Variants in ZNF207 observed in about 807,000 individuals in gnomAD.
The protein encoded by ZNF207 is zinc finger protein 207, also known as BUB3-interacting and GLEBS motif-containing protein ZNF207.
A neutral mutation model predicts 60.2 loss-of-function variants in ZNF207; 24 were observed. The ratio of observed to expected loss-of-function variants is 0.40; its 90% CI spans 0.29 to 0.56. The LOEUF is 0.56. Ranked by LOEUF, ZNF207 falls within the 20% of genes least tolerant of loss-of-function variation. ZNF207 has a pLI of 0.49. For synonymous variants in ZNF207, 236 were observed against 194.7 expected (o/e 1.21, Z -1.77); for missense variants, 452 against 636.6 (o/e 0.71, Z 3.12).
At position 32,364,075 on chromosome 17, in the gene ZNF207, C is replaced by T. The variant is rs574142478; in HGVS notation, c.670+1091C>T. On this transcript the variant is annotated intron_variant, in intron 7 of 11. Transcript: ENST00000394670. ...TGAGACAGGGTGTTGGTCTGATACT[C>T]GTGCTGATGTGCCGTGGCACGATCA... Among the ~76,000 whole-genome samples the T allele has an allele frequency of 9.6e-4, 145 of 150,556 alleles. 1 individual carries two copies. Among genetic ancestry groups the T allele is most frequent in the Admixed American group, 2.2e-3 (34 of 15,140 alleles).
Position 32,380,661 on chromosome 17 carries a change from A to G in ZNF207, c.*10902A>G, listed in dbSNP as rs1905846172. The G allele has an allele frequency of 6.6e-6, 1 of 152,256 alleles. No homozygotes were observed. Among genetic ancestry groups the G allele is most frequent in the South Asian group, 2.1e-4 (1 of 4,834 alleles). The allele number at this position is 152,256 out of a possible 1,614,324, so 9.4% of individuals were successfully genotyped here. ...ATAATAGTAAAGTGGTATTAACCCA[A>G]TACTTGATTTGCAGTTTTTAAAGCA... On this transcript the variant is annotated 3_prime_UTR_variant, in exon 12 of 12. Transcript: ENST00000394670.
chr17:32,357,946 A>G (rs2150791921), intron 2 of ZNF207, among the ~76,000 whole-genome samples: 1 of 151,868 alleles, frequency 6.6e-6, no homozygotes, highest in East Asian at 2.0e-4. Flanking sequence ...CACCCGACTA[A>G]TTTTTTGTAT....
intron 2 of ZNF207, among the ~76,000 whole-genome samples, chr17:32,354,169 A>C (rs1409663458): frequency 1.3e-5 from 2 of 152,150 alleles, no homozygotes; most frequent in South Asian, 4.1e-4. Flanking sequence ...TTGTAGAGAC[A>C]GGGTCTCACT....
At position 32,373,330 on chromosome 17, in the gene ZNF207, T is replaced by A. The variant is rs778368358; in HGVS notation, c.*3571T>A. Reference sequence around the variant, plus strand: ...TCATTGGGATTTTTAAAAAAAAAAATTTTAATGCATGTCTTTTAAATTAAT... The same window carrying A: ...TCATTGGGATTTTTAAAAAAAAAAAATTTAATGCATGTCTTTTAAATTAAT... On this transcript the variant is annotated 3_prime_UTR_variant, in exon 12 of 12. Transcript: ENST00000394670. The A allele has an allele frequency of 5.6e-4, 334 of 601,258 alleles. No individual in the cohort carries two copies. The highest frequency in any genetic ancestry group is 9.7e-4 in the South Asian group (50 of 51,328). The allele number at this position is 601,258 out of a possible 1,614,324, so 37.2% of individuals were successfully genotyped here.
At position 32,365,445 on chromosome 17, in the gene ZNF207, A is replaced by G; in HGVS notation, c.786A>G (p.Pro262=). 2 of 1,614,132 alleles carry G rather than the reference A, an allele frequency of 1.2e-6. No individual in the cohort carries two copies. Among genetic ancestry groups the G allele is most frequent in the Non-Finnish European group, 1.7e-6 (2 of 1,180,018 alleles). ...PPAPTATVPA[P]QPPVTKPLFP... is the part of the protein sequence containing the mutation. The stretch of plus-strand genomic sequence containing the variant: ...CACCAACAGCAACTGTACCTGCCCC[A>G]CAGCCTCCAGTTACTAAGCCTCTTT... The change falls in exon 8 of 12, where the codon CCA becomes CCG. Residue 262 remains proline, a synonymous_variant. Coordinates refer to ENST00000394670, the MANE Select transcript of ZNF207 (RefSeq NM_001098507.2).
intron 3 of ZNF207, 107 bp from the exon 4 acceptor site, chr17:32,360,491 A>G: frequency 8.8e-7 from 1 of 1,138,196 alleles, no homozygotes; most frequent in Non-Finnish European, 1.2e-6. Flanking sequence ...TGGGGAAGAA[A>G]AATCTCATGA....
At chr17:32,362,041 T>TGGTA (rs1262958588) in intron 6 of ZNF207, among the ~76,000 whole-genome samples, 2 of 152,056 alleles carry the variant, frequency 1.3e-5, no homozygotes, top group African/African-American at 4.8e-5. Flanking sequence ...CATGGTTTAG[T>TGGTA]GGTAGGTAGT....
rs1905782561 is a variant in ZNF207 at position 32,379,030 on chromosome 17, A to G, written c.*9271A>G. 6.6e-6 allele frequency: 1 copy of G among 152,138 alleles called. No homozygotes were observed. Among genetic ancestry groups the G allele is most frequent in the African/African-American group, 2.4e-5 (1 of 41,454 alleles). The allele number at this position is 152,138 out of a possible 1,614,324, so 9.4% of individuals were successfully genotyped here. A position where few individuals can be genotyped will look rare whatever the true frequency, so the allele number is the denominator to read the frequency against. Reference sequence around the variant, plus strand: ...AAATTGTGCATATTGCTAAATTTTAAAACATGGATTTATCAACTGATAATA... The same window carrying G: ...AAATTGTGCATATTGCTAAATTTTAGAACATGGATTTATCAACTGATAATA... On this transcript the variant is annotated 3_prime_UTR_variant, in exon 12 of 12. Coordinates refer to ENST00000394670, the MANE Select transcript of ZNF207 (RefSeq NM_001098507.2).
intron 2 of ZNF207, among the ~76,000 whole-genome samples, chr17:32,354,356 G>C (rs977980222): frequency 6.6e-6 from 1 of 151,378 alleles, no homozygotes; most frequent in African/African-American, 2.4e-5. Flanking sequence ...GTTTTATTTT[G>C]AAACGGAGTT....
chr17:32,366,421 CAGT>C lies in ZNF207; in HGVS notation c.829-240_829-238del, dbSNP rs144298390. ...GTATCATTCTTGAAATAATGCAAAA[CAGT>C]AGTTTTAGAAAAGAAACTAGTTAAC... is the stretch of plus-strand genomic sequence containing the variant. On this transcript the variant is annotated intron_variant, in intron 8 of 11. Coordinates refer to ENST00000394670, the MANE Select transcript of ZNF207 (RefSeq NM_001098507.2). 7.6e-3 allele frequency among the ~76,000 whole-genome samples: 1,153 copies of C among 152,200 alleles called. 17 individuals carry two copies. The highest frequency in any genetic ancestry group is 0.026 in the African/African-American group (1,099 of 41,526).
At position 32,350,190 on chromosome 17, in the gene ZNF207, T is replaced by C. The variant is rs1327099961; in HGVS notation, c.-96T>C. 2 of 1,563,652 alleles carry C rather than the reference T, an allele frequency of 1.3e-6. No homozygotes were observed. Among genetic ancestry groups the C allele is most frequent in the Non-Finnish European group, 1.8e-6 (2 of 1,135,914 alleles). ...TTTTGTGTCTGCTTCCTGTGGGACG[T>C]GGTGGTAGCCGTTGGGTTGGGAAAG... On this transcript the variant is annotated 5_prime_UTR_variant, in exon 1 of 12. Transcript: ENST00000394670.
chr17:32,369,471 G>A lies in ZNF207; in HGVS notation c.1324+17G>A, dbSNP rs774048008. On this transcript the variant is annotated intron_variant, in intron 11 of 11. Coordinates refer to ENST00000394670, the MANE Select transcript of ZNF207 (RefSeq NM_001098507.2). Reference sequence around the variant, plus strand: ...CACCTCATGGTATTCCTCTTTTTATGTTTTTCATATTTAGTGGATTTTCTA... The same window carrying A: ...CACCTCATGGTATTCCTCTTTTTATATTTTTCATATTTAGTGGATTTTCTA... 2 of 1,610,666 alleles carry A rather than the reference G, an allele frequency of 1.2e-6. No individual in the cohort carries two copies. Among genetic ancestry groups the A allele is most frequent in the East Asian group, 4.5e-5 (2 of 44,774 alleles).
chr17:32,366,634 T>A, intron 8 of ZNF207, 31 bp from the exon 9 acceptor site: 1 of 1,574,420 alleles, frequency 6.4e-7, no homozygotes, highest in Non-Finnish European at 8.6e-7. Context: ...GTTTGGAGAC[T>A]TTTCATTGTT....
rs570536027 is a variant in ZNF207 at position 32,369,868 on chromosome 17, A to G, written c.*109A>G. On this transcript the variant is annotated 3_prime_UTR_variant, in exon 12 of 12. Transcript: ENST00000394670. ...AGGCTTCATTGTGACTTTAACAAAC[A>G]TTATCTTCCCACATACCAGGAACTA... 5.1e-6 allele frequency: 6 copies of G among 1,174,552 alleles called. No individual in the cohort carries two copies. The East Asian group carries it at 1.1e-4, about 22-fold the overall frequency. 72.8% of individuals were successfully genotyped at this position (1,174,552 alleles called of 1,614,324 possible).
chr17:32,369,265 A>G, intron 10 of ZNF207, 30 bp from the exon 11 acceptor site: 3 of 1,608,802 alleles, frequency 1.9e-6, no homozygotes, highest in Non-Finnish European at 2.6e-6. Flanking sequence ...GCATTCGAGT[A>G]TTTAGCCCTG....
chr17:32,350,406 C>T lies in ZNF207; in HGVS notation c.41+80C>T, dbSNP rs528774844. On this transcript the variant is annotated intron_variant, in intron 1 of 11. Coordinates refer to ENST00000394670, the MANE Select transcript of ZNF207 (RefSeq NM_001098507.2). ...CTGGGACTAGGAGGCCTGGATTTGG[C>T]TTACGGCGTGGAGCGTTTGTATTTA... is the stretch of plus-strand genomic sequence containing the variant. The T allele has an allele frequency of 1.2e-5, 19 of 1,587,048 alleles. No individual in the cohort carries two copies. In the Admixed American group the frequency reaches 1.8e-4, roughly 15 times the overall value.
At chr17:32,360,190 A>ACC (rs1567818198) in intron 3 of ZNF207, among the ~76,000 whole-genome samples, 27 of 136,156 alleles carry the variant, frequency 2.0e-4, no homozygotes, top group African/African-American at 6.8e-4. Flanking sequence ...CCCCCCCAAA[A>ACC]AAAAAAAAAA....
At chr17:32,363,069 G>T in intron 7 of ZNF207, 85 bp downstream of exon 7, 1 of 1,288,906 alleles carries the variant, frequency 7.8e-7, no homozygotes, top group South Asian at 1.5e-5. Flanking sequence ...TTAGTATAAT[G>T]AAATTTAAAA....
rs1209042298 is a variant in ZNF207, at chr17:32,370,875, TAA to T, written c.*1118_*1119del. ...TATTCTAAGTGTAATGCTGAGAATCTAAATGTGTCTCTGTTGGGATGGTTAAC... is the reference window on the plus strand; with the variant it reads ...TATTCTAAGTGTAATGCTGAGAATCTATGTGTCTCTGTTGGGATGGTTAAC... On this transcript the variant is annotated 3_prime_UTR_variant, in exon 12 of 12. Transcript: ENST00000394670. The T allele has an allele frequency of 6.6e-6, 1 of 152,252 alleles. No individual in the cohort carries two copies. The highest frequency in any genetic ancestry group is 1.5e-5 in the Non-Finnish European group (1 of 68,038). The allele number at this position is 152,252 out of a possible 1,614,324, so 9.4% of individuals were successfully genotyped here. A position where few individuals can be genotyped will look rare whatever the true frequency, so the allele number is the denominator to read the frequency against.
Sources: allele counts gnomAD v4.1 joint callset (sites outside exome capture counted in the v4.1 genomes callset), GRCh38; gene constraint gnomAD v4.1.1; transcripts MANE v1.5; gene names NCBI Gene and HGNC (gene_info 2026-07-23, HGNC 2026-07-21).